Variants in FHOD3 observed in about 807,000 individuals in gnomAD.
The protein encoded by FHOD3 is formin homology 2 domain containing 3, also known as FH1/FH2 domain-containing protein 3.
Under a neutral mutation model 173.0 loss-of-function variants are expected in FHOD3, and 90 were observed. That is an observed-to-expected ratio of 0.52 (90% CI 0.44 to 0.62). FHOD3 has a LOEUF of 0.62. FHOD3 is among the 20% of genes least tolerant of loss of function. The pLI is 0.00. For missense variants in FHOD3, 1,945 were observed against 2,034.7 expected (o/e 0.96, Z 0.85); for synonymous variants, 828 against 823.0 (o/e 1.01, Z -0.10).
chr18:36,401,621 T>C (rs2048815866), intron 3 of FHOD3, among the ~76,000 whole-genome samples: 3 of 152,194 alleles, frequency 2.0e-5, no homozygotes, highest in Non-Finnish European at 4.4e-5. Flanking sequence ...TTACTGCACC[T>C]CTCTGAGCCT....
At chr18:36,602,557 T>A (rs2031531518) in intron 7 of FHOD3, 117 bp from the exon 8 acceptor site, 1 of 780,298 alleles carries the variant, frequency 1.3e-6, no homozygotes, top group Non-Finnish European at 2.3e-6. Context: ...CTTTGAAATT[T>A]GGTGACTGAA....
chr18:36,666,213 G>T (rs569525704), intron 14 of FHOD3, among the ~76,000 whole-genome samples: 4 of 152,350 alleles, frequency 2.6e-5, no homozygotes, highest in African/African-American at 9.6e-5. Context: ...AGCAGTGTGT[G>T]CAACAGGCTG....
intron 1 of FHOD3, among the ~76,000 whole-genome samples, chr18:36,319,768 A>G (rs572134682): frequency 5.1e-4 from 78 of 152,376 alleles, no homozygotes; most frequent in Admixed American, 2.7e-3. Context: ...GTAAAAGAAC[A>G]GAAATCATGA....
chr18:36,325,511 T>C (rs1390215474), intron 1 of FHOD3, among the ~76,000 whole-genome samples: 5 of 152,206 alleles, frequency 3.3e-5, no homozygotes, highest in Non-Finnish European at 7.3e-5. Context: ...TTTAGCACTG[T>C]GGTCTCTGAG....
intron 2 of FHOD3, among the ~76,000 whole-genome samples, chr18:36,364,908 G>A (rs1048792114): frequency 6.6e-6 from 1 of 152,152 alleles, no homozygotes; most frequent in Non-Finnish European, 1.5e-5. Context: ...GAAAGCAGAA[G>A]GGTGGTGGGG....
At chr18:36,407,221 C>T (rs954174117) in intron 3 of FHOD3, among the ~76,000 whole-genome samples, 3 of 152,166 alleles carry the variant, frequency 2.0e-5, no homozygotes, top group African/African-American at 4.8e-5. Context: ...GTAGAGCTGG[C>T]TTGAGAGGGC....
chr18:36,546,039 A>T (rs1225883511), intron 5 of FHOD3, among the ~76,000 whole-genome samples: 1 of 152,210 alleles, frequency 6.6e-6, no homozygotes, highest in Non-Finnish European at 1.5e-5. Context: ...ATCCTTCTCG[A>T]ATCTGTGGGT....
At chr18:36,777,506 T>G (rs894046341) in intron 28 of FHOD3, 1 of 152,210 alleles carries the variant, frequency 6.6e-6, no homozygotes, top group Non-Finnish European at 1.5e-5. Flanking sequence ...ATGGACTTTT[T>G]AAGGAAGTAT....
chr18:36,362,551 G>C (rs1278553270), intron 2 of FHOD3, among the ~76,000 whole-genome samples: 3 of 152,208 alleles, frequency 2.0e-5, no homozygotes, highest in Non-Finnish European at 2.9e-5. Flanking sequence ...AGGTGAGAAG[G>C]CTGGAATACT....
At chr18:36,401,437 T>C (rs188526511) in intron 3 of FHOD3, among the ~76,000 whole-genome samples, 62 of 152,294 alleles carry the variant, frequency 4.1e-4, no homozygotes, top group Admixed American at 2.4e-3. Flanking sequence ...TATTTTGTTA[T>C]AGCAGTCTGA....
chr18:36,499,043 G>A (rs1229452670), intron 3 of FHOD3, among the ~76,000 whole-genome samples: 1 of 152,078 alleles, frequency 6.6e-6, no homozygotes, highest in Non-Finnish European at 1.5e-5. Flanking sequence ...CTGCTAACAA[G>A]TAAGAAGGTC....
chr18:36,618,062 A>T (rs907093220), intron 9 of FHOD3, among the ~76,000 whole-genome samples: 1 of 150,702 alleles, frequency 6.6e-6, no homozygotes, highest in Non-Finnish European at 1.5e-5. Flanking sequence ...TTCCCTCCAG[A>T]TTAACTAATG....
chr18:36,314,109 T>C (rs2092313255), intron 1 of FHOD3, among the ~76,000 whole-genome samples: 1 of 152,170 alleles, frequency 6.6e-6, no homozygotes, highest in Non-Finnish European at 1.5e-5. Flanking sequence ...TTTAAAACAC[T>C]GCCCACAAAA....
chr18:36,567,224 A>G (rs139869308), intron 5 of FHOD3, among the ~76,000 whole-genome samples: 2 of 152,214 alleles, frequency 1.3e-5, no homozygotes, highest in Non-Finnish European at 2.9e-5. Context: ...TCCTTTTAAC[A>G]GTTCATTGCA....
At chr18:36,607,271 G>A (rs1372781064) in intron 8 of FHOD3, among the ~76,000 whole-genome samples, 1 of 152,184 alleles carries the variant, frequency 6.6e-6, no homozygotes, top group Non-Finnish European at 1.5e-5. Context: ...TTAGTACCAT[G>A]TATTTTATGG....
At chr18:36,712,770 C>T (rs1427497670) in intron 18 of FHOD3, among the ~76,000 whole-genome samples, 1 of 151,214 alleles carries the variant, frequency 6.6e-6, no homozygotes, top group African/African-American at 2.4e-5. Flanking sequence ...GGAAGCTGAG[C>T]AAACCCCAAA....
At chr18:36,427,860 C>T (rs560188567) in intron 3 of FHOD3, among the ~76,000 whole-genome samples, 1 of 152,282 alleles carries the variant, frequency 6.6e-6, no homozygotes, top group Non-Finnish European at 1.5e-5. Context: ...CAGGCACTGT[C>T]ACTGGATGTA....
chr18:36,568,999 A>G (rs2058367395), intron 5 of FHOD3, among the ~76,000 whole-genome samples: 1 of 152,224 alleles, frequency 6.6e-6, no homozygotes, highest in Admixed American at 6.5e-5. Flanking sequence ...TCTCATTAAG[A>G]AATAGAATAT....
intron 5 of FHOD3, among the ~76,000 whole-genome samples, chr18:36,534,394 G>A (rs928360864): frequency 2.6e-5 from 4 of 152,238 alleles, no homozygotes; most frequent in Non-Finnish European, 4.4e-5. Flanking sequence ...AGCAAGGGCT[G>A]TTCCTGCAGC....
Sources: gnomAD v4.1 joint callset for allele counts (sites outside exome capture counted in the v4.1 genomes callset) on GRCh38, gnomAD v4.1.1 for gene constraint, MANE v1.5 for transcripts, NCBI Gene and HGNC (gene_info 2026-07-23, HGNC 2026-07-21) for gene names.